The following C12orf42 variants were observed in gnomAD, a reference collection of about 807,000 sequenced individuals.
The protein encoded by C12orf42 is uncharacterized protein C12orf42.
A neutral mutation model predicts 21.6 loss-of-function variants in C12orf42; 25 were observed. That is an observed-to-expected ratio of 1.16 (90% CI 0.84 to 1.62). The LOEUF is 1.62. Ranked by LOEUF, C12orf42 falls within the 40% of genes most tolerant of loss-of-function variation. The probability of loss-of-function intolerance (pLI) is 0.00; values close to 1 mark genes in which losing one functional copy is unlikely to be tolerated. For missense variants in C12orf42, 483 were observed against 459.3 expected (o/e 1.05, Z -0.47); for synonymous variants, 174 against 175.0 (o/e 0.99, Z 0.05).
At chr12:103,550,587 A>T in the C12orf42 span, 1 of 152,190 alleles carries the variant, frequency 6.6e-6, no homozygotes, top group Admixed American at 6.5e-5. Context: ...TACAATTTAC[A>T]TTTATGCCAA....
chr12:103,404,137 G>A (rs1448410541), intron 2 of C12orf42, among the ~76,000 whole-genome samples: 2 of 152,160 alleles, frequency 1.3e-5, no homozygotes, highest in Admixed American at 1.3e-4. Flanking sequence ...TTTTTATAAA[G>A]CATTATTGAG....
At chr12:103,528,071 C>A in the C12orf42 span, among the ~76,000 whole-genome samples, 56 of 152,304 alleles carry the variant, frequency 3.7e-4, no homozygotes, top group Admixed American at 7.2e-4. Context: ...AGTTATACTT[C>A]TTTTGCAATA....
chr12:103,350,980 G>T (rs1489901989), intron 4 of C12orf42, among the ~76,000 whole-genome samples: 1 of 151,976 alleles, frequency 6.6e-6, no homozygotes, highest in African/African-American at 2.4e-5. Flanking sequence ...AGGTTTAACT[G>T]TCAGTTTCAC....
chr12:103,074,197 G>A, the C12orf42 span, among the ~76,000 whole-genome samples: 3 of 152,184 alleles, frequency 2.0e-5, no homozygotes, highest in Admixed American at 6.6e-5. Flanking sequence ...GATCCAGAGG[G>A]CTGAGGATGA....
intron 10 of C12orf42, among the ~76,000 whole-genome samples, chr12:103,248,157 G>T (rs2034104374): frequency 6.6e-6 from 1 of 151,892 alleles, no homozygotes; most frequent in Admixed American, 6.6e-5. Context: ...CCTTTGAGTT[G>T]TAAATTTGAA....
At chr12:103,281,904 AAG>A (rs1348505622) in intron 4 of C12orf42, among the ~76,000 whole-genome samples, 50 of 130,906 alleles carry the variant, frequency 3.8e-4, no homozygotes, top group African/African-American at 1.2e-3. Flanking sequence ...AAAGAAAGAA[AAG>A]AAGAAAGAAA....
chr12:103,259,120 C>T lies in C12orf42; in HGVS notation c.*1366+4206G>A, dbSNP rs147708597. Among the ~76,000 whole-genome samples the T allele has an allele frequency of 2.9e-4, 44 of 152,240 alleles. No homozygotes were observed. The East Asian group carries it at 8.3e-3, about 29-fold the overall frequency. On this transcript the variant is annotated intron_variant and NMD_transcript_variant, in intron 10 of 10. Coordinates refer to the C12orf42 transcript ENST00000547347. ...GGCAAAGAACCTAGAAACAGAACCA[C>T]ATAACGGAAAATTTAAAGCCTAAGC...
chr12:103,543,636 T>G, the C12orf42 span, among the ~76,000 whole-genome samples: 4 of 152,038 alleles, frequency 2.6e-5, no homozygotes, highest in Non-Finnish European at 5.9e-5. Flanking sequence ...TTAAAACACT[T>G]TAATCCAATC....
At chr12:103,418,014 T>C (rs1242010528) in intron 2 of C12orf42, among the ~76,000 whole-genome samples, 1 of 152,242 alleles carries the variant, frequency 6.6e-6, no homozygotes, top group East Asian at 1.9e-4. Context: ...AGAGACATTT[T>C]TAAAAGATAA....
intron 3 of C12orf42, among the ~76,000 whole-genome samples, chr12:103,385,672 C>A (rs2046551419): frequency 6.6e-6 from 1 of 152,066 alleles, no homozygotes; most frequent in Non-Finnish European, 1.5e-5. Context: ...TTTTTGTTTA[C>A]CACAATTCTA....
At chr12:103,051,618 C>A in the C12orf42 span, among the ~76,000 whole-genome samples, 1 of 152,124 alleles carries the variant, frequency 6.6e-6, no homozygotes, top group African/African-American at 2.4e-5. Flanking sequence ...AAAAGCCATC[C>A]GCATTTATGT....
At chr12:103,377,292 A>G (rs1327606728) in intron 3 of C12orf42, among the ~76,000 whole-genome samples, 2 of 151,792 alleles carry the variant, frequency 1.3e-5, no homozygotes, top group African/African-American at 2.4e-5. Flanking sequence ...CAGAGCCTTG[A>G]CTGTCATTCA....
chr12:103,370,860 C>T (rs529863197), intron 3 of C12orf42, among the ~76,000 whole-genome samples: 1 of 152,196 alleles, frequency 6.6e-6, no homozygotes, highest in African/African-American at 2.4e-5. Context: ...CAAACCTGCA[C>T]TTGTACTCCT....
At chr12:103,532,876 G>T in the C12orf42 span, among the ~76,000 whole-genome samples, 1 of 152,166 alleles carries the variant, frequency 6.6e-6, no homozygotes. Flanking sequence ...ACACAGAGTC[G>T]AGTCTTCAAA....
intron 10 of C12orf42, among the ~76,000 whole-genome samples, chr12:103,255,695 A>G (rs1240198657): frequency 1.3e-5 from 2 of 152,086 alleles, no homozygotes; most frequent in East Asian, 3.9e-4. Flanking sequence ...CTTGCCTAGT[A>G]CATTTTTTCT....
the C12orf42 span, chr12:103,559,750 A>T: frequency 6.6e-6 from 1 of 152,230 alleles, no homozygotes. Flanking sequence ...TCACCACCAC[A>T]TACCATTATG....
chr12:103,355,612 G>A (rs113548397), intron 4 of C12orf42, among the ~76,000 whole-genome samples: 2,310 of 152,128 alleles, frequency 0.015, 59 homozygotes, highest in African/African-American at 0.052. Context: ...ACCCAGAGAG[G>A]TTAAACAGTT....
the C12orf42 span, among the ~76,000 whole-genome samples, chr12:103,080,064 A>C: frequency 6.6e-6 from 1 of 152,144 alleles, no homozygotes; most frequent in African/African-American, 2.4e-5. Flanking sequence ...TTGTCTTCCC[A>C]GCCTCCCTGA....
At chr12:103,550,901 T>C in the C12orf42 span, among the ~76,000 whole-genome samples, 1 of 152,050 alleles carries the variant, frequency 6.6e-6, no homozygotes, top group Non-Finnish European at 1.5e-5. Context: ...CAAGCAATGC[T>C]TTTTCAATTT....
Sources: allele counts gnomAD v4.1 joint callset (sites outside exome capture counted in the v4.1 genomes callset), GRCh38; gene constraint gnomAD v4.1.1; transcripts MANE v1.5; gene names NCBI Gene and HGNC (gene_info 2026-07-23, HGNC 2026-07-21).